The following APOBEC3H variants were observed in gnomAD, a reference collection of about 807,000 sequenced individuals.
The protein encoded by APOBEC3H is apolipoprotein B mRNA editing enzyme catalytic subunit 3H.
APOBEC3H carries 8 observed loss-of-function variants against 21.2 expected under a neutral mutation model. The observed-to-expected ratio is 0.38, with a 90% CI of 0.22 to 0.68. The LOEUF (loss-of-function observed/expected upper bound fraction) is 0.68. Ranked by LOEUF, APOBEC3H falls within the 30% of genes least tolerant of loss-of-function variation. APOBEC3H has a pLI of 0.52. For synonymous variants in APOBEC3H, 88 were observed against 91.0 expected (o/e 0.97, Z 0.19); for missense variants, 229 against 228.1 (o/e 1.00, Z -0.03).
chr22:39,103,004 G>A (rs1031091078), intron 4 of APOBEC3H, among the ~76,000 whole-genome samples: 3 of 137,024 alleles, frequency 2.2e-5, no homozygotes, highest in African/African-American at 8.0e-5. Context: ...AACTCAACAT[G>A]TGCTGAGCAT....
chr22:39,100,531 A>T lies in APOBEC3H; in HGVS notation c.150+103A>T, dbSNP rs1929252761. 3 of 1,449,562 alleles carry T rather than the reference A, an allele frequency of 2.1e-6. No individual in the cohort carries two copies. In the Admixed American group the frequency reaches 7.0e-5, roughly 34 times the overall value. 89.8% of individuals were successfully genotyped at this position (1,449,562 alleles called of 1,614,324 possible). On this transcript the variant is annotated intron_variant, in intron 2 of 4. Coordinates refer to ENST00000442487, the MANE Select transcript of APOBEC3H (RefSeq NM_181773.5). ...CTGCCTATAAATTTCTCAATTTTTG[A>T]TGTAACACCCTCTGTGTTTTCGTAA...
chr22:39,100,821 TCCCCGCCTCCCCGCC>T (rs1929270651), intron 2 of APOBEC3H, among the ~76,000 whole-genome samples: 1 of 151,788 alleles, frequency 6.6e-6, no homozygotes, highest in South Asian at 2.1e-4. Context: ...CTGCCCTGCC[TCCCCGCCTCCCCGCC>T]CCCCGCCCCG....
At chr22:39,099,712 C>T (rs2146315758) in intron 1 of APOBEC3H, among the ~76,000 whole-genome samples, 1 of 152,310 alleles carries the variant, frequency 6.6e-6, no homozygotes, top group South Asian at 2.1e-4. Flanking sequence ...GCAGCCGGTG[C>T]CCTCCCAGGT....
chr22:39,101,876 T>C, intron 3 of APOBEC3H, 42 bp from the exon 4 acceptor site: 1 of 1,613,702 alleles, frequency 6.2e-7, no homozygotes, highest in Non-Finnish European at 8.5e-7. Context: ...GCACTGCAGC[T>C]GCTGCCCCTG....
chr22:39,102,051 C>G lies in APOBEC3H; in HGVS notation c.543+9C>G, dbSNP rs778016471. 7 of 1,612,256 alleles carry G rather than the reference C, an allele frequency of 4.3e-6. No homozygotes were observed. Among genetic ancestry groups the G allele is most frequent in the African/African-American group, 1.3e-5 (1 of 74,834 alleles). ...GGCTTGAGAGGATAAAGGTGAGGCA[C>G]TGTCCTGCCTGCTGCCCCCGACCTC... On this transcript the variant is annotated intron_variant, in intron 4 of 4. Transcript: ENST00000442487.
At chr22:39,097,569 C>T (rs969249272) in intron 1 of APOBEC3H, among the ~76,000 whole-genome samples, 2 of 152,210 alleles carry the variant, frequency 1.3e-5, no homozygotes, top group Non-Finnish European at 2.9e-5. Context: ...CAGCCCAAGA[C>T]CCCTGCTGAG....
chr22:39,098,229 T>C (rs1929111991), intron 1 of APOBEC3H, among the ~76,000 whole-genome samples: 1 of 152,350 alleles, frequency 6.6e-6, no homozygotes, highest in East Asian at 1.9e-4. Context: ...ATGGAAGTGC[T>C]ACCCTGATTT....
At position 39,101,500 on chromosome 22, in the gene APOBEC3H, C is replaced by T. The variant is rs775553421; in HGVS notation, c.414C>T (p.Phe138=). The change falls in exon 3 of 5, where the codon TTC becomes TTT. Residue 138 remains phenylalanine, a synonymous_variant. Coordinates refer to ENST00000442487, the MANE Select transcript of APOBEC3H (RefSeq NM_181773.5). ...GSQVPVEVMG[F]PEFADCWENF... Reference sequence around the variant, plus strand: ...AGGTCCCGGTGGAGGTCATGGGCTTCCCAGGTAGGAAAGAGGCTTTGCAGT... The same window carrying T: ...AGGTCCCGGTGGAGGTCATGGGCTTTCCAGGTAGGAAAGAGGCTTTGCAGT... 6 of 1,608,276 alleles carry T rather than the reference C, an allele frequency of 3.7e-6. No homozygotes were observed. The highest frequency in any genetic ancestry group is 5.1e-6 in the Non-Finnish European group (6 of 1,179,098).
intron 4 of APOBEC3H, chr22:39,102,654 CTCCAGCG>C (rs1340380203): frequency 1.4e-6 from 1 of 696,842 alleles, no homozygotes; most frequent in African/African-American, 1.8e-5. Flanking sequence ...CTTTTGGAGT[CTCCAGCG>C]TCTATTATTT....
Position 39,103,669 on chromosome 22 carries a change from C to T in APOBEC3H, c.544-20C>T, listed in dbSNP as rs1212496474. 1 of 1,613,768 alleles carries T rather than the reference C, an allele frequency of 6.2e-7. No homozygotes were observed. On this transcript the variant is annotated intron_variant, in intron 4 of 4. Transcript: ENST00000442487. ...TGTCCCACCAGTTGGTACCTCCTAACTTCTCTCTTTCCCTCTCAGCAGTCC... is the reference window on the plus strand; with the variant it reads ...TGTCCCACCAGTTGGTACCTCCTAATTTCTCTCTTTCCCTCTCAGCAGTCC...
Position 39,103,837 on chromosome 22 carries a change from T to A in APOBEC3H, c.*140T>A. On this transcript the variant is annotated 3_prime_UTR_variant, in exon 5 of 5. Transcript: ENST00000442487. ...GCCTGCTGGTCCTGTAAGCAAGCAC[T>A]AAGCTCCACAGTGCCAGTTCCTTGC... is the stretch of plus-strand genomic sequence containing the variant. The A allele has an allele frequency of 9.1e-7, 1 of 1,098,892 alleles. No homozygotes were observed. The allele number at this position is 1,098,892 out of a possible 1,614,324, so 68.1% of individuals were successfully genotyped here. A position where few individuals can be genotyped will look rare whatever the true frequency, so the allele number is the denominator to read the frequency against.
chr22:39,097,935 C>T (rs1218203666), intron 1 of APOBEC3H, among the ~76,000 whole-genome samples: 9 of 152,000 alleles, frequency 5.9e-5, no homozygotes, highest in South Asian at 2.1e-4. Flanking sequence ...ACCAGTAACA[C>T]GGAATATACG....
In APOBEC3H at chr22:39,102,054, T is replaced by C; in HGVS notation, c.543+12T>C. ...TTGAGAGGATAAAGGTGAGGCACTG[T>C]CCTGCCTGCTGCCCCCGACCTCCTC... On this transcript the variant is annotated intron_variant, in intron 4 of 4. Transcript: ENST00000442487. The C allele has an allele frequency of 6.2e-7, 1 of 1,612,234 alleles. No homozygotes were observed. Among genetic ancestry groups the C allele is most frequent in the East Asian group, 2.2e-5 (1 of 44,848 alleles).
intron 3 of APOBEC3H, 45 bp from the exon 4 acceptor site, chr22:39,101,873 A>T (rs778695569): frequency 1.9e-6 from 3 of 1,613,738 alleles, no homozygotes; most frequent in Non-Finnish European, 2.5e-6. Context: ...CTGGCACTGC[A>T]GCTGCTGCCC....
intron 1 of APOBEC3H, among the ~76,000 whole-genome samples, chr22:39,097,767 A>G (rs1233818405): frequency 6.6e-6 from 1 of 152,172 alleles, no homozygotes; most frequent in East Asian, 1.9e-4. Flanking sequence ...TTCAATACAA[A>G]GTCTTAGGAG....
chr22:39,103,643 G>T (rs777239773), intron 4 of APOBEC3H, 46 bp from the exon 5 acceptor site: 8 of 1,595,500 alleles, frequency 5.0e-6, no homozygotes, highest in Non-Finnish European at 6.9e-6. Context: ...CCTCCCTGTG[G>T]TGTCCCACCA....
intron 1 of APOBEC3H, among the ~76,000 whole-genome samples, chr22:39,099,071 T>A (rs1360600459): frequency 6.6e-6 from 1 of 152,098 alleles, no homozygotes; most frequent in African/African-American, 2.4e-5. Context: ...GGAGGGCGCT[T>A]GTAATTCCAG....
chr22:39,103,880 C>A lies in APOBEC3H; in HGVS notation c.*183C>A. 1 of 724,958 alleles carries A rather than the reference C, an allele frequency of 1.4e-6. No individual in the cohort carries two copies. The highest frequency in any genetic ancestry group is 2.1e-5 in the Admixed American group (1 of 46,542). The allele number at this position is 724,958 out of a possible 1,614,324, so 44.9% of individuals were successfully genotyped here. ...TTCCTTGCCCCAACCTGGCCCCATC[C>A]AAGTACAGAAGACCTTCCTTTCCTC... On this transcript the variant is annotated 3_prime_UTR_variant, in exon 5 of 5. Transcript: ENST00000442487.
In APOBEC3H at chr22:39,103,877, A is replaced by G; in HGVS notation, c.*180A>G. The G allele has an allele frequency of 1.4e-6, 1 of 734,908 alleles. No individual in the cohort carries two copies. Among genetic ancestry groups the G allele is most frequent in the South Asian group, 1.6e-5 (1 of 63,048 alleles). The allele number at this position is 734,908 out of a possible 1,614,324, so 45.5% of individuals were successfully genotyped here. A position where few individuals can be genotyped will look rare whatever the true frequency, so the allele number is the denominator to read the frequency against. On this transcript the variant is annotated 3_prime_UTR_variant, in exon 5 of 5. Transcript: ENST00000442487. ...CAGTTCCTTGCCCCAACCTGGCCCC[A>G]TCCAAGTACAGAAGACCTTCCTTTC...
Sources: allele counts gnomAD v4.1 joint callset (sites outside exome capture counted in the v4.1 genomes callset), GRCh38; gene constraint gnomAD v4.1.1; transcripts MANE v1.5; gene names NCBI Gene and HGNC (gene_info 2026-07-23, HGNC 2026-07-21).